The following RAB3B variants were observed in gnomAD, a reference collection of about 807,000 sequenced individuals.
The protein encoded by RAB3B is ras-related protein Rab-3B.
A neutral mutation model predicts 20.5 loss-of-function variants in RAB3B; 11 were observed. That is an observed-to-expected ratio of 0.54 (90% CI 0.34 to 0.89). The LOEUF is 0.89. Ranked by LOEUF, RAB3B falls within the 40% of genes least tolerant of loss-of-function variation. The pLI, the probability that RAB3B is intolerant of heterozygous loss-of-function variation, is 0.02. For missense variants in RAB3B, 225 were observed against 280.9 expected, an observed-to-expected ratio of 0.80 and a Z score of 1.42; for synonymous variants, 99 against 106.3, an observed-to-expected ratio of 0.93 and a Z score of 0.42.
intron 2 of RAB3B, among the ~76,000 whole-genome samples, chr1:51,967,537 T>TTTTTTTTTTTTTTTTC: frequency 8.2e-6 from 1 of 122,342 alleles, no homozygotes; most frequent in Admixed American, 9.1e-5. Flanking sequence ...TTTTTTTTTT[T>TTTTTTTTTTTTTTTTC]TTGAGATAGG....
At chr1:51,964,098 T>G (rs1278940283) in intron 2 of RAB3B, among the ~76,000 whole-genome samples, 1 of 152,192 alleles carries the variant, frequency 6.6e-6, no homozygotes, top group Non-Finnish European at 1.5e-5. Flanking sequence ...CAAAGTGCTG[T>G]GTCATACTTG....
chr1:51,927,253 C>G (rs1346546949), intron 4 of RAB3B, among the ~76,000 whole-genome samples: 1 of 152,130 alleles, frequency 6.6e-6, no homozygotes, highest in Admixed American at 6.6e-5. Context: ...ATTGGGTAAA[C>G]TGAAATCACA....
chr1:51,950,280 T>C (rs2124274850), intron 2 of RAB3B, among the ~76,000 whole-genome samples: 1 of 152,352 alleles, frequency 6.6e-6, no homozygotes, highest in South Asian at 2.1e-4. Flanking sequence ...CCTGTCCCTA[T>C]CTGCCTAGGC....
At chr1:51,956,288 C>A (rs891650202) in intron 2 of RAB3B, among the ~76,000 whole-genome samples, 1 of 152,082 alleles carries the variant, frequency 6.6e-6, no homozygotes, top group Non-Finnish European at 1.5e-5. Context: ...ATTGTTAACA[C>A]GAATTGAGTA....
At chr1:51,923,501 A>G (rs1230634976) in intron 4 of RAB3B, among the ~76,000 whole-genome samples, 2 of 152,242 alleles carry the variant, frequency 1.3e-5, no homozygotes, top group African/African-American at 2.4e-5. Context: ...GGATCACCTG[A>G]GGTCAGGAGT....
chr1:51,974,854 C>A (rs1401728706), intron 2 of RAB3B, among the ~76,000 whole-genome samples: 1 of 152,154 alleles, frequency 6.6e-6, no homozygotes, highest in African/African-American at 2.4e-5. Flanking sequence ...ATACAGACTG[C>A]CCCAATAAGA....
At chr1:51,959,640 A>C (rs979620544) in intron 2 of RAB3B, among the ~76,000 whole-genome samples, 1 of 151,828 alleles carries the variant, frequency 6.6e-6, no homozygotes, top group Admixed American at 6.6e-5. Context: ...GCCTAAGGAG[A>C]CACGACAATT....
chr1:51,978,341 G>A (rs184514905), intron 1 of RAB3B, among the ~76,000 whole-genome samples: 2 of 152,300 alleles, frequency 1.3e-5, no homozygotes, highest in East Asian at 1.9e-4. Flanking sequence ...TCTTCTCACA[G>A]GGCTATCACA....
chr1:51,924,009 T>G (rs1684209266), intron 4 of RAB3B, among the ~76,000 whole-genome samples: 1 of 152,180 alleles, frequency 6.6e-6, no homozygotes, highest in Admixed American at 6.5e-5. Context: ...GAAGTCCATA[T>G]AGACAGGGAG....
At chr1:51,967,207 G>A (rs1684865467) in intron 2 of RAB3B, among the ~76,000 whole-genome samples, 1 of 152,108 alleles carries the variant, frequency 6.6e-6, no homozygotes, top group South Asian at 2.1e-4. Flanking sequence ...CAGCTATTCG[G>A]GAGGCTGAGG....
intron 1 of RAB3B, among the ~76,000 whole-genome samples, chr1:51,979,261 C>CA (rs1685051457): frequency 6.7e-6 from 1 of 149,058 alleles, no homozygotes; most frequent in Non-Finnish European, 1.5e-5. Flanking sequence ...CATGTAAAGG[C>CA]ATTATGCTTT....
At chr1:51,942,478 T>C (rs908041406) in intron 2 of RAB3B, among the ~76,000 whole-genome samples, 11 of 152,342 alleles carry the variant, frequency 7.2e-5, no homozygotes, top group African/African-American at 2.2e-4. Flanking sequence ...AAAGGCCATA[T>C]AGTCTTGAGG....
chr1:51,987,980 C>T (rs776864863), intron 1 of RAB3B, among the ~76,000 whole-genome samples: 15 of 152,126 alleles, frequency 9.9e-5, no homozygotes, highest in African/African-American at 3.4e-4. Flanking sequence ...TGGGCTCAAG[C>T]GATCCTCCTA....
At chr1:51,976,502 C>T (rs1227110539) in intron 2 of RAB3B, among the ~76,000 whole-genome samples, 7 of 152,138 alleles carry the variant, frequency 4.6e-5, no homozygotes, top group African/African-American at 1.7e-4. Context: ...ACCCAACAGC[C>T]TTATGATGTA....
chr1:51,951,034 C>T (rs1684633968), intron 2 of RAB3B, among the ~76,000 whole-genome samples: 1 of 152,050 alleles, frequency 6.6e-6, no homozygotes, highest in Admixed American at 6.5e-5. Flanking sequence ...GCTATCCGTC[C>T]TCAGCCATAT....
chr1:51,967,523 T>TTTTTTTTTTTTCTTTTC (rs1684872526), intron 2 of RAB3B, among the ~76,000 whole-genome samples: 1 of 65,978 alleles, frequency 1.5e-5, no homozygotes, highest in Non-Finnish European at 3.5e-5. Flanking sequence ...TTCTTTTTCT[T>TTTTTTTTTTTTCTTTTC]TTTTTTTTTT....
At position 51,914,357 on chromosome 1, in the gene RAB3B, A is replaced by C. The variant is rs897927685; in HGVS notation, c.*5570T>G. The C allele has an allele frequency of 1.3e-5, 2 of 152,328 alleles. No individual in the cohort carries two copies. Among genetic ancestry groups the C allele is most frequent in the South Asian group, 2.1e-4 (1 of 4,826 alleles). 9.4% of individuals were successfully genotyped at this position (152,328 alleles called of 1,614,324 possible). A position where few individuals can be genotyped will look rare whatever the true frequency, so the allele number is the denominator to read the frequency against. ...AGACTCTTCCAAGAGCCCCTGAAAC[A>C]GTTTCTCAAAGGTGATTCCGGTTTC... On this transcript the variant is annotated 3_prime_UTR_variant, in exon 5 of 5. Transcript: ENST00000371655.
intron 2 of RAB3B, among the ~76,000 whole-genome samples, chr1:51,937,634 A>T (rs1258696629): frequency 6.6e-6 from 1 of 151,832 alleles, no homozygotes. Flanking sequence ...AGTGGCTGGG[A>T]TTACAAGCAT....
rs1268976427 is a variant in RAB3B at position 51,919,471 on chromosome 1, G to A, written c.*456C>T. The A allele has an allele frequency of 1.3e-5, 2 of 153,518 alleles. No individual in the cohort carries two copies. The highest frequency in any genetic ancestry group is 3.8e-4 in the East Asian group (2 of 5,228). 9.5% of individuals were successfully genotyped at this position (153,518 alleles called of 1,614,324 possible). On this transcript the variant is annotated 3_prime_UTR_variant, in exon 5 of 5. Coordinates refer to ENST00000371655, the MANE Select transcript of RAB3B (RefSeq NM_002867.4). ...ACTTGTAGTGAGAGAAAGCCCCGCA[G>A]GGAGCCCGATAGGAAACAAGCACGT...
Sources: allele counts gnomAD v4.1 joint callset (sites outside exome capture counted in the v4.1 genomes callset), GRCh38; gene constraint gnomAD v4.1.1; transcripts MANE v1.5; gene names NCBI Gene and HGNC (gene_info 2026-07-23, HGNC 2026-07-21).